Variants in OR14A16 observed in about 807,000 individuals in gnomAD.
The protein encoded by OR14A16 is olfactory receptor 14A16.
For synonymous variants in OR14A16, 135 were observed against 137.6 expected (o/e 0.98, Z 0.13); for missense variants, 341 against 366.5 (o/e 0.93, Z 0.57).
At chr1:247,818,416 A>G (rs1437099708) in intron 2 of OR14A16, among the ~76,000 whole-genome samples, 1 of 152,244 alleles carries the variant, frequency 6.6e-6, no homozygotes. Context: ...AAATCAGTAT[A>G]TCAGAGAGGT....
chr1:247,821,513 ACTTT>A (rs1341394046), intron 1 of OR14A16, among the ~76,000 whole-genome samples: 7 of 152,274 alleles, frequency 4.6e-5, no homozygotes, highest in South Asian at 4.1e-4. Flanking sequence ...CTATATAATA[ACTTT>A]CTTTGTCTAT....
rs777896684 is a variant in OR14A16, at chr1:247,821,637, G to A, written c.-131+2316C>T. On this transcript the variant is annotated intron_variant, in intron 1 of 2. Transcript: ENST00000641093. Reference sequence around the variant, plus strand: ...TCATCCTTATACTTTCAATCTACATGTGTCCTTTATGATGATGTGACTCAC... The same window carrying A: ...TCATCCTTATACTTTCAATCTACATATGTCCTTTATGATGATGTGACTCAC... Among the ~76,000 whole-genome samples the A allele has an allele frequency of 1.8e-4, 24 of 133,482 alleles. 3 individuals carry two copies. Among genetic ancestry groups the A allele is most frequent in the Non-Finnish European group, 4.0e-4 (23 of 58,136 alleles). The allele number at this position is 133,482 out of a possible 152,430, so 87.6% of individuals were successfully genotyped here. A position where few individuals can be genotyped will look rare whatever the true frequency, so the allele number is the denominator to read the frequency against.
chr1:247,822,366 A>AT (rs35070187), intron 1 of OR14A16, among the ~76,000 whole-genome samples: 11 of 142,490 alleles, frequency 7.7e-5, no homozygotes, highest in Non-Finnish European at 1.4e-4. Context: ...CAGAAGGGGG[A>AT]TTTTTTTTCT....
rs895459362 is a variant in OR14A16, at chr1:247,814,854, C to T, written c.876G>A (p.Lys292=). ...FNPIIYSLRN[K]AIKVALGMLI... ...ACATCCCCAGAGCCACCTTTATGGC[C>T]TTGTTTCTCAAACTGTATATAATGG... The change falls in exon 3 of 3, where the codon AAG becomes AAA. Residue 292 remains lysine, a synonymous_variant. Coordinates refer to ENST00000641093, the MANE Select transcript of OR14A16 (RefSeq NM_001001966.2). 1.5e-5 allele frequency: 24 copies of T among 1,603,938 alleles called. No homozygotes were observed. Among genetic ancestry groups the T allele is most frequent in the Non-Finnish European group, 2.0e-5 (23 of 1,177,056 alleles).
intron 2 of OR14A16, among the ~76,000 whole-genome samples, chr1:247,818,144 G>A (rs1662662533): frequency 6.6e-6 from 1 of 152,036 alleles, no homozygotes; most frequent in African/African-American, 2.4e-5. Context: ...AATATGAAAT[G>A]TGATTTTTAT....
chr1:247,814,976 C>T lies in OR14A16; in HGVS notation c.754G>A (p.Gly252Arg), dbSNP rs777521077. Residue 252 changes from glycine to arginine, a missense_variant, in exon 3 of 3, where the codon GGA (glycine) becomes AGA (arginine). By Grantham distance (125) the Gly-to-Arg change is moderately radical. Transcript: ENST00000641093. The part of the protein sequence containing the change: ...HLLVVLFLST[G>R]FIAYLKPASE... ...GCTGGCTTCAGATAAGCAATGAATC[C>T]AGTGGAAAGAAATAACACAACCAGC... The T allele has an allele frequency of 6.2e-7, 1 of 1,613,852 alleles. No individual in the cohort carries two copies. Among genetic ancestry groups the T allele is most frequent in the Non-Finnish European group, 8.5e-7 (1 of 1,179,948 alleles).
Position 247,814,840 on chromosome 1 carries a change from G to A in OR14A16, c.890C>T (p.Ala297Val), listed in dbSNP as rs1291763472. 8.2e-6 allele frequency: 13 copies of A among 1,594,076 alleles called. No homozygotes were observed. Among genetic ancestry groups the A allele is most frequent in the Non-Finnish European group, 1.1e-5 (13 of 1,173,590 alleles). ...CTTTCCCTTTATCAACATCCCCAGA[G>A]CCACCTTTATGGCCTTGTTTCTCAA... ...YSLRNKAIKV[A>V]LGMLIKGKLT... Residue 297 changes from alanine to valine, a missense_variant, in exon 3 of 3, where the codon GCT becomes GTT. Transcript: ENST00000641093.
intron 1 of OR14A16, among the ~76,000 whole-genome samples, chr1:247,820,795 G>C (rs1486514067): frequency 6.6e-6 from 1 of 151,700 alleles, no homozygotes; most frequent in Non-Finnish European, 1.5e-5. Flanking sequence ...GGGAGGCGGA[G>C]GTTGCAGTGA....
In OR14A16 at chr1:247,822,314, CG is replaced by C. The variant is rs371967853; in HGVS notation, c.-131+1638del. ...ATGGGGCTGGGGTGTGTGTGTGTGGCGGGGGGGGAGGGTGGGGATGCTGGCG... is the reference window on the plus strand; with the variant it reads ...ATGGGGCTGGGGTGTGTGTGTGTGGCGGGGGGGAGGGTGGGGATGCTGGCG... On this transcript the variant is annotated intron_variant, in intron 1 of 2. Transcript: ENST00000641093. Among the ~76,000 whole-genome samples the C allele has an allele frequency of 4.9e-4, 8 of 16,396 alleles. 2 individuals are homozygous for C. The highest frequency in any genetic ancestry group is 7.0e-4 in the Non-Finnish European group (7 of 10,026). The allele number at this position is 16,396 out of a possible 152,430, so 10.8% of individuals were successfully genotyped here. A position where few individuals can be genotyped will look rare whatever the true frequency, so the allele number is the denominator to read the frequency against.
rs1662609075 is a variant in OR14A16, at chr1:247,815,724, T to C, written c.6A>G (p.Ala2=). The C allele has an allele frequency of 4.5e-6, 7 of 1,552,780 alleles. No homozygotes were observed. Among genetic ancestry groups the C allele is most frequent in the Middle Eastern group, 1.7e-4 (1 of 5,880 alleles). ...TAAATTCAGTCACGATTGTGAGATT[T>C]GCCATTATTGCAGGAGTAATCTGCA... The part of the protein sequence containing the change: M[A]NLTIVTEFIL... Residue 2 remains alanine (A), a synonymous_variant, in exon 3 of 3, where the codon GCA becomes GCG. Coordinates refer to ENST00000641093, the MANE Select transcript of OR14A16 (RefSeq NM_001001966.2).
At chr1:247,821,557 ATG>A (rs1212714030) in intron 1 of OR14A16, among the ~76,000 whole-genome samples, 2 of 147,648 alleles carry the variant, frequency 1.4e-5, no homozygotes, top group Admixed American at 6.8e-5. Context: ...AGTCTATCTT[ATG>A]TAAGTATAGC....
Position 247,815,512 on chromosome 1 carries a change from G to A in OR14A16, c.218C>T (p.Ser73Leu), listed in dbSNP as rs199954467. 1 of 1,613,894 alleles carries A rather than the reference G, an allele frequency of 6.2e-7. No individual in the cohort carries two copies. The highest frequency in any genetic ancestry group is 8.5e-7 in the Non-Finnish European group (1 of 1,179,784). The change falls in exon 3 of 3, where the codon TCA becomes TTA. Residue 73 changes from serine to leucine, a missense_variant. By Grantham distance (145) the Ser-to-Leu change is moderately radical. Transcript: ENST00000641093. ...GGCGATAGATTTGGGAGCCGTGACTGAAATAAGGCAGAGATCCAAGAAAGA... is the reference window on the plus strand; with the variant it reads ...GGCGATAGATTTGGGAGCCGTGACTAAAATAAGGCAGAGATCCAAGAAAGA... ...NLSFLDLCLISVTAPKSIANS... is the reference protein window; with the variant it reads ...NLSFLDLCLILVTAPKSIANS...
chr1:247,816,549 A>C (rs112373339), intron 2 of OR14A16, among the ~76,000 whole-genome samples: 12,250 of 152,158 alleles, frequency 0.081, 635 homozygotes, highest in Middle Eastern at 0.21. Context: ...CAACATGGCG[A>C]GACCCCATCT....
chr1:247,817,614 G>C (rs1662650414), intron 2 of OR14A16, among the ~76,000 whole-genome samples: 1 of 152,192 alleles, frequency 6.6e-6, no homozygotes, highest in Non-Finnish European at 1.5e-5. Context: ...CTCAAAGACA[G>C]TGGTATTGAT....
Position 247,820,860 on chromosome 1 carries a change from CAAA to C in OR14A16, c.-130-1686_-130-1684del, listed in dbSNP as rs35415698. On this transcript the variant is annotated intron_variant, in intron 1 of 2. Transcript: ENST00000641093. ...AAGCAACAAGAGTAAAGCACCGTCT[CAAA>C]AAAAAAAAAAAAAATCTTTATTTTT... Among the ~76,000 whole-genome samples, 215 of 120,838 alleles carry C rather than the reference CAAA, an allele frequency of 1.8e-3. 2 individuals carry two copies. The highest frequency in any genetic ancestry group is 7.5e-3 in the South Asian group (28 of 3,740). 79.3% of individuals were successfully genotyped at this position (120,838 alleles called of 152,430 possible). A position where few individuals can be genotyped will look rare whatever the true frequency, so the allele number is the denominator to read the frequency against.
Position 247,822,319 on chromosome 1 carries a change from G to C in OR14A16, c.-131+1634C>G, listed in dbSNP as rs1423103983. Among the ~76,000 whole-genome samples the C allele has an allele frequency of 1.1e-4, 14 of 130,374 alleles. 1 individual carries two copies. Among genetic ancestry groups the C allele is most frequent in the Middle Eastern group, 3.7e-3 (1 of 272 alleles). 85.5% of individuals were successfully genotyped at this position (130,374 alleles called of 152,430 possible). On this transcript the variant is annotated intron_variant, in intron 1 of 2. Transcript: ENST00000641093. ...GCTGGGGTGTGTGTGTGTGGCGGGG[G>C]GGGAGGGTGGGGATGCTGGCGAAAA...
In OR14A16 at chr1:247,814,691, CATTT is replaced by C. The variant is rs1662568010; in HGVS notation, c.*105_*108del. On this transcript the variant is annotated 3_prime_UTR_variant, in exon 3 of 3. Coordinates refer to ENST00000641093, the MANE Select transcript of OR14A16 (RefSeq NM_001001966.2). ...AATTTTCTAATAAAATAATTGCTTT[CATTT>C]GTCTTTTTAAATTTTTACTTTTAAG... 2 of 532,776 alleles carry C rather than the reference CATTT, an allele frequency of 3.8e-6. No homozygotes were observed. Among genetic ancestry groups the C allele is most frequent in the South Asian group, 1.5e-4 (2 of 13,054 alleles). 33.0% of individuals were successfully genotyped at this position (532,776 alleles called of 1,614,324 possible).
At chr1:247,822,128 AC>A (rs1244522499) in intron 1 of OR14A16, among the ~76,000 whole-genome samples, 1 of 152,030 alleles carries the variant, frequency 6.6e-6, no homozygotes, top group African/African-American at 2.4e-5. Context: ...TATTTTCCAT[AC>A]TGTGGTAGTT....
rs1235197994 is a variant in OR14A16, at chr1:247,815,362, G to A, written c.368C>T (p.Ala123Val). 1.2e-6 allele frequency: 2 copies of A among 1,613,916 alleles called. No individual in the cohort carries two copies. The highest frequency in any genetic ancestry group is 1.7e-6 in the Non-Finnish European group (2 of 1,179,946). ...ATCATAGTGCAGAGGGTGACATATA[G>A]CAGTATAGCGGTCAAAGGACATCAC... is the stretch of plus-strand genomic sequence containing the variant. ...LTVMSFDRYTAICHPLHYDVI... is the reference protein window; with the variant it reads ...LTVMSFDRYTVICHPLHYDVI... The change falls in exon 3 of 3, where the codon GCT becomes GTT. Residue 123 changes from alanine (A) to valine (V), a missense_variant. By Grantham distance (64) the Ala-to-Val change is moderately conservative. Transcript: ENST00000641093.
Sources: allele counts gnomAD v4.1 joint callset (sites outside exome capture counted in the v4.1 genomes callset), GRCh38; gene constraint gnomAD v4.1.1; transcripts MANE v1.5; gene names NCBI Gene and HGNC (gene_info 2026-07-23, HGNC 2026-07-21).